MATN3: variants seen among roughly 807,000 people sequenced by gnomAD.
MATN3 encodes the protein matrilin 3, also known as matrilin-3.
Under a neutral mutation model 45.3 loss-of-function variants are expected in MATN3, and 48 were observed. That is an observed-to-expected ratio of 1.06 (90% CI 0.84 to 1.35). MATN3 has a LOEUF of 1.35. MATN3 is among the 40% of genes most tolerant of loss of function. MATN3 has a pLI of 0.00. For missense variants in MATN3, 599 were observed against 628.0 expected (o/e 0.95, Z 0.49); for synonymous variants, 217 against 245.9 (o/e 0.88, Z 1.10).
Position 20,005,947 on chromosome 2 carries a change from T to A in MATN3, c.587A>T (p.Asp196Val). 6.2e-7 allele frequency: 1 copy of A among 1,613,876 alleles called. No homozygotes were observed. Among genetic ancestry groups the A allele is most frequent in the Non-Finnish European group, 8.5e-7 (1 of 1,179,826 alleles). The part of the protein sequence containing the change: ...NIPKVAIIVT[D>V]GRPQDQVNEV... Reference sequence around the variant, plus strand: ...ATTCACCTGGTCCTGGGGCCTCCCATCTGTAACAATGATGGCCACCTTAGG... The same window carrying A: ...ATTCACCTGGTCCTGGGGCCTCCCAACTGTAACAATGATGGCCACCTTAGG... The change falls in exon 2 of 8, where the codon GAT (aspartate) becomes GTT (valine). Residue 196 changes from aspartate to valine, a missense_variant. Coordinates refer to ENST00000407540, the MANE Select transcript of MATN3 (RefSeq NM_002381.5).
intron 1 of MATN3, among the ~76,000 whole-genome samples, chr2:20,008,681 C>G (rs1208075030): frequency 3.9e-5 from 6 of 152,020 alleles, no homozygotes; most frequent in Non-Finnish European, 8.8e-5. Flanking sequence ...TTTTTATATT[C>G]ATTTTACAGG....
At chr2:20,005,722 A>C in intron 2 of MATN3, 22 bp downstream of exon 2, 1 of 1,525,902 alleles carries the variant, frequency 6.6e-7, no homozygotes, top group Non-Finnish European at 8.9e-7. Context: ...TTCTAGTTGG[A>C]AGCAAAGACT....
intron 1 of MATN3, among the ~76,000 whole-genome samples, chr2:20,008,035 T>C (rs1673146407): frequency 6.6e-6 from 1 of 152,234 alleles, no homozygotes; most frequent in African/African-American, 2.4e-5. Context: ...CAATCTTGGC[T>C]CACTGCAACC....
rs745976322 is a variant in MATN3 at position 19,993,115 on chromosome 2, C to T, written c.1457G>A (p.Arg486His). 52 of 1,612,118 alleles carry T rather than the reference C, an allele frequency of 3.2e-5. No homozygotes were observed. In the Middle Eastern group the frequency reaches 9.9e-4, roughly 31 times the overall value. ...CAGGTGAGAAATTGGAGCAATTTAA[C>T]GATGTATTTGTCCATATTCATTTAT... ...LKINEYGQIHR is the reference protein window; with the variant it reads ...LKINEYGQIHH Residue 486 changes from arginine to histidine, a missense_variant, in exon 8 of 8, where the codon CGT becomes CAT. Physicochemically the swap from Arg to His is conservative, Grantham distance 29. Coordinates refer to ENST00000407540, the MANE Select transcript of MATN3 (RefSeq NM_002381.5).
Position 20,006,138 on chromosome 2 carries a change from C to A in MATN3, c.396G>T (p.Lys132Asn). 4.3e-6 allele frequency: 7 copies of A among 1,614,008 alleles called. No individual in the cohort carries two copies. The highest frequency in any genetic ancestry group is 5.1e-6 in the Non-Finnish European group (6 of 1,179,886). ...TGTAGGCCTGGAGTTGGAACTCGAT[C>A]TTCACAGTGCTAGCATAGTTCACCA... is the stretch of plus-strand genomic sequence containing the variant. ...VAVVNYASTV[K>N]IEFQLQAYTD... Residue 132 changes from lysine (K) to asparagine (N), a missense_variant, in exon 2 of 8, where the codon AAG (lysine) becomes AAT (asparagine). By Grantham distance (94) the Lys-to-Asn change is moderately conservative (BLOSUM62 0). Transcript: ENST00000407540.
At position 20,001,984 on chromosome 2, in the gene MATN3, G is replaced by A. The variant is rs775346746; in HGVS notation, c.1013C>T (p.Thr338Ile). 17 of 1,613,352 alleles carry A rather than the reference G, an allele frequency of 1.1e-5. No individual in the cohort carries two copies. In the South Asian group the frequency reaches 1.5e-4, roughly 15 times the overall value. The change falls in exon 4 of 8, where the codon ACC becomes ATC. Residue 338 changes from threonine to isoleucine, a missense_variant. Physicochemically the swap from Thr to Ile is moderately conservative, Grantham distance 89. Coordinates refer to ENST00000407540, the MANE Select transcript of MATN3 (RefSeq NM_002381.5). The stretch of plus-strand genomic sequence containing the variant: ...ACAAGTTTTCCTGTCTTCATTCAAG[G>A]TATAACCTTCATAGCACTCACAATG... ...SYHCECYEGY[T>I]LNEDRKTCSA...
intron 5 of MATN3, chr2:19,997,769 T>TGC (rs1021800036): frequency 1.4e-4 from 18 of 131,928 alleles, no homozygotes; most frequent in African/African-American, 6.1e-4. Context: ...AGGAGACACA[T>TGC]GCACACACAC....
In MATN3 at chr2:20,005,806, A is replaced by G; in HGVS notation, c.728T>C (p.Phe243Ser). The change falls in exon 2 of 8, where the codon TTC (phenylalanine) becomes TCC (serine). Residue 243 changes from phenylalanine to serine, a missense_variant. By Grantham distance (155) the Phe-to-Ser change is radical (BLOSUM62 -2). Coordinates refer to ENST00000407540, the MANE Select transcript of MATN3 (RefSeq NM_002381.5). ...MASEPLEEHV[F>S]YVETYGVIEK... ...AATGACCCCATAGGTCTCCACGTAG[A>G]AAACATGCTCCTCTAGGGGCTCACT... 2 of 1,611,348 alleles carry G rather than the reference A, an allele frequency of 1.2e-6. No homozygotes were observed. The highest frequency in any genetic ancestry group is 1.1e-5 in the South Asian group (1 of 90,286).
Position 20,012,345 on chromosome 2 carries a change from T to A in MATN3, c.223+64A>T. On this transcript the variant is annotated intron_variant, in intron 1 of 7. Transcript: ENST00000407540. The surrounding 1 kb of genome is among the most constrained non-coding windows in gnomAD (Gnocchi z 4.3). ...GCCTGAGGCCGGGATGAAGCGCGCT[T>A]GGTGGATGCCCTGGGCTTCTCCTCG... is the stretch of plus-strand genomic sequence containing the variant. 8.5e-7 allele frequency: 1 copy of A among 1,173,520 alleles called. No homozygotes were observed. Among genetic ancestry groups the A allele is most frequent in the Non-Finnish European group, 1.1e-6 (1 of 937,048 alleles). The allele number at this position is 1,173,520 out of a possible 1,614,324, so 72.7% of individuals were successfully genotyped here.
Position 20,005,769 on chromosome 2 carries a change from G to A in MATN3, c.765C>T (p.Ser255=), listed in dbSNP as rs1673088155. ...CACAGAAGGTTTCCTGGAATCTAGA[G>A]GAAAGTTTCTCAATGACCCCATAGG... ...VETYGVIEKL[S]SRFQETFCAL... is the part of the protein sequence containing the mutation. The change falls in exon 2 of 8, where the codon TCC becomes TCT. Residue 255 remains serine, a synonymous_variant. Transcript: ENST00000407540. 1.9e-6 allele frequency: 3 copies of A among 1,602,674 alleles called. No homozygotes were observed. In the South Asian group the frequency reaches 3.3e-5, roughly 18 times the overall value.
intron 2 of MATN3, 71 bp downstream of exon 2, chr2:20,005,673 T>A: frequency 1.6e-6 from 2 of 1,239,682 alleles, no homozygotes; most frequent in Non-Finnish European, 2.2e-6. Flanking sequence ...AGAATAATAC[T>A]CTTTTCTCTG....
At chr2:20,000,601 A>G (rs775070034) in intron 4 of MATN3, 35 bp from the exon 5 acceptor site, 23 of 1,591,822 alleles carry the variant, frequency 1.4e-5, no homozygotes, top group Non-Finnish European at 2.0e-5. Context: ...AAGAAATAGA[A>G]GGTGGAAAAG....
At position 20,002,161 on chromosome 2, in the gene MATN3, TACACACACACAC is replaced by T; in HGVS notation, c.917-93_917-82del. On this transcript the variant is annotated intron_variant, in intron 3 of 7. Transcript: ENST00000407540. ...TTGTGGGCCACGCCACTTACAGTTA[TACACACACACAC>T]ACACACACACACACACACAGAGCTA... 11 of 646,954 alleles carry T rather than the reference TACACACACACAC, an allele frequency of 1.7e-5. No individual in the cohort carries two copies. The East Asian group carries it at 4.0e-4, about 23-fold the overall frequency. The allele number at this position is 646,954 out of a possible 1,614,324, so 40.1% of individuals were successfully genotyped here.
Position 20,003,262 on chromosome 2 carries a change from G to C in MATN3, c.815C>G (p.Thr272Arg). The change falls in exon 3 of 8, where the codon ACA becomes AGA. Residue 272 changes from threonine to arginine, a missense_variant. Coordinates refer to ENST00000407540, the MANE Select transcript of MATN3 (RefSeq NM_002381.5). ...GATGCAGACGTGCTGGCACTGGTGT[G>C]TTCCAAGCACACAGGGGTCCAGCGC... is the stretch of plus-strand genomic sequence containing the variant. Reference protein sequence around the residue: ...FCALDPCVLGTHQCQHVCISD... With the variant: ...FCALDPCVLGRHQCQHVCISD... The C allele has an allele frequency of 6.2e-7, 1 of 1,613,860 alleles. No homozygotes were observed. Among genetic ancestry groups the C allele is most frequent in the Non-Finnish European group, 8.5e-7 (1 of 1,179,794 alleles).
chr2:20,012,386 TCC>T lies in MATN3; in HGVS notation c.223+21_223+22del. On this transcript the variant is annotated intron_variant, in intron 1 of 7. Coordinates refer to ENST00000407540, the MANE Select transcript of MATN3 (RefSeq NM_002381.5). The surrounding 1 kb of genome is among the most constrained non-coding windows in gnomAD (Gnocchi z 4.3). ...CTTCTCCTCGTTCGATGCTCACGCG[TCC>T]CTCCCGCCGCCCGCCTGTACCTGCA... 8.2e-7 allele frequency: 1 copy of T among 1,226,302 alleles called. No homozygotes were observed. Among genetic ancestry groups the T allele is most frequent in the Non-Finnish European group, 1.0e-6 (1 of 984,176 alleles). The allele number at this position is 1,226,302 out of a possible 1,614,324, so 76.0% of individuals were successfully genotyped here. A position where few individuals can be genotyped will look rare whatever the true frequency, so the allele number is the denominator to read the frequency against.
At chr2:19,994,269 C>A in intron 7 of MATN3, 30 bp downstream of exon 7, 1 of 1,469,672 alleles carries the variant, frequency 6.8e-7, no homozygotes, top group South Asian at 1.2e-5. Flanking sequence ...TGGCTCCAGG[C>A]AGAAGGAGAA....
At chr2:20,008,021 G>A (rs1673145919) in intron 1 of MATN3, among the ~76,000 whole-genome samples, 1 of 152,142 alleles carries the variant, frequency 6.6e-6, no homozygotes, top group African/African-American at 2.4e-5. Context: ...GGAGTGCGGT[G>A]GTGCAATCTT....
intron 6 of MATN3, 128 bp downstream of exon 6, chr2:19,997,006 C>T (rs529135613): frequency 1.1e-6 from 1 of 891,220 alleles, no homozygotes; most frequent in East Asian, 2.6e-5. Context: ...TTCTGTAGAC[C>T]AGTGGGAGCC....
chr2:19,999,605 A>AT (rs1023892981), intron 5 of MATN3, among the ~76,000 whole-genome samples: 10 of 116,462 alleles, frequency 8.6e-5, no homozygotes, highest in Non-Finnish European at 1.6e-4. Flanking sequence ...GGTGTCCGGT[A>AT]TTTTTTTACT....
Sources: gnomAD v4.1 joint callset for allele counts (sites outside exome capture counted in the v4.1 genomes callset) on GRCh38, gnomAD v4.1.1 for gene constraint, Gnocchi (gnomAD v3.1) non-coding constraint, MANE v1.5 for transcripts, NCBI Gene and HGNC (gene_info 2026-07-23, HGNC 2026-07-21) for gene names.